The following WDR64 variants were observed in gnomAD, a reference collection of about 807,000 sequenced individuals.
The protein encoded by WDR64 is WD repeat domain 64, also known as WD repeat-containing protein 64.
WDR64 carries 112 observed loss-of-function variants against 139.3 expected under a neutral mutation model. The observed-to-expected ratio is 0.80, with a 90% CI of 0.69 to 0.94. The LOEUF (loss-of-function observed/expected upper bound fraction) is 0.94, where lower values mean the gene tolerates loss of function less well. Ranked by LOEUF, WDR64 falls within the 40% of genes least tolerant of loss-of-function variation. The pLI, the probability that WDR64 is intolerant of heterozygous loss-of-function variation, is 0.00. For synonymous variants in WDR64, 444 were observed against 437.7 expected, an observed-to-expected ratio of 1.01 and a Z score of -0.18; for missense variants, 1,206 against 1,293.1, an observed-to-expected ratio of 0.93 and a Z score of 1.03.
chr1:241,781,339 T>C lies in WDR64; in HGVS notation c.2595+1277T>C, dbSNP rs115748812. 4.8e-3 allele frequency among the ~76,000 whole-genome samples: 734 copies of C among 152,350 alleles called. 8 individuals carry two copies. Among genetic ancestry groups the C allele is most frequent in the African/African-American group, 0.017 (699 of 41,596 alleles). On this transcript the variant is annotated intron_variant, in intron 22 of 27. Transcript: ENST00000437684. Reference sequence around the variant, plus strand: ...TTCATATTCAACTTCATTTCAACCTTTTCTGTACTCAGACAATGGAATCAT... The same window carrying C: ...TTCATATTCAACTTCATTTCAACCTCTTCTGTACTCAGACAATGGAATCAT...
chr1:241,780,665 CAG>C (rs1017386418), intron 22 of WDR64, among the ~76,000 whole-genome samples: 21 of 152,260 alleles, frequency 1.4e-4, no homozygotes, highest in African/African-American at 4.8e-4. Context: ...TGATTCCTTG[CAG>C]AGTGTCTCAG....
intron 10 of WDR64, among the ~76,000 whole-genome samples, chr1:241,727,443 G>C (rs1398827485): frequency 6.6e-6 from 1 of 152,076 alleles, no homozygotes; most frequent in Non-Finnish European, 1.5e-5. Flanking sequence ...AGCACCACTT[G>C]GGAAAATTAC....
intron 15 of WDR64, among the ~76,000 whole-genome samples, chr1:241,758,616 T>C (rs1298393014): frequency 6.6e-6 from 1 of 152,202 alleles, no homozygotes; most frequent in Non-Finnish European, 1.5e-5. Context: ...ATTTAAATGC[T>C]CTTGATGTGT....
At chr1:241,736,478 C>A (rs1355845635) in intron 10 of WDR64, among the ~76,000 whole-genome samples, 1 of 147,936 alleles carries the variant, frequency 6.8e-6, no homozygotes, top group East Asian at 2.0e-4. Context: ...GAGGAAATTG[C>A]AGATGAAAGG....
rs780470532 is a variant in WDR64, at chr1:241,723,483, T to G, written c.1194+47T>G. 2.5e-6 allele frequency: 4 copies of G among 1,592,002 alleles called. No individual in the cohort carries two copies. In the Admixed American group the frequency reaches 6.9e-5, roughly 28 times the overall value. On this transcript the variant is annotated intron_variant, in intron 10 of 27. Transcript: ENST00000437684. ...AACAAAACTAGTTTTTTCCGGAAAATTATCTGTTGGAAGGCATAGGGATGA... is the reference window on the plus strand; with the variant it reads ...AACAAAACTAGTTTTTTCCGGAAAAGTATCTGTTGGAAGGCATAGGGATGA...
At chr1:241,790,521 T>C (rs991497212) in intron 24 of WDR64, 70 bp from the exon 25 acceptor site, 7 of 1,311,132 alleles carry the variant, frequency 5.3e-6, no homozygotes, top group Non-Finnish European at 7.5e-6. Context: ...AAGGACATAA[T>C]GGATCTTTGT....
intron 8 of WDR64, among the ~76,000 whole-genome samples, chr1:241,697,764 C>A (rs1325196427): frequency 6.6e-6 from 1 of 152,144 alleles, no homozygotes; most frequent in African/African-American, 2.4e-5. Flanking sequence ...TTCATTCCCT[C>A]CATAATTCTC....
At chr1:241,658,833 G>T (rs1050145042) in intron 1 of WDR64, among the ~76,000 whole-genome samples, 12 of 151,516 alleles carry the variant, frequency 7.9e-5, no homozygotes, top group African/African-American at 2.7e-4. Context: ...AAACACCACA[G>T]TAAAATATTT....
chr1:241,683,397 C>T (rs879477044), intron 6 of WDR64, 90 bp from the exon 7 acceptor site: 240 of 1,275,314 alleles, frequency 1.9e-4, no homozygotes, highest in Non-Finnish European at 2.2e-4. Context: ...TAAGAAACAG[C>T]GGAAAGTGAA....
In WDR64 at chr1:241,801,149, T is replaced by C. The variant is rs778226172; in HGVS notation, c.3210T>C (p.Ser1070=). The change falls in exon 28 of 28, where the codon AGT becomes AGC. Residue 1070 remains serine, a synonymous_variant. Coordinates refer to ENST00000437684, the MANE Select transcript of WDR64 (RefSeq NM_001367482.1). ...VQREKAPRRR[S]LKKNLVPQIN... ...TTTCACAGGCACCACGAAGAAGAAGTTTGAAAAAAAATTTAGTCCCACAAA... is the reference window on the plus strand; with the variant it reads ...TTTCACAGGCACCACGAAGAAGAAGCTTGAAAAAAAATTTAGTCCCACAAA... 7 of 1,613,328 alleles carry C rather than the reference T, an allele frequency of 4.3e-6. No individual in the cohort carries two copies. The highest frequency in any genetic ancestry group is 5.1e-6 in the Non-Finnish European group (6 of 1,179,716).
intron 14 of WDR64, among the ~76,000 whole-genome samples, chr1:241,754,314 CTTTTTCTTTTTTTTTT>C (rs1193445254): frequency 1.8e-4 from 19 of 107,890 alleles, no homozygotes; most frequent in Non-Finnish European, 2.5e-4. Flanking sequence ...TCCTTTTTTT[CTTTTTCTTTTTTTTTT>C]TTTTTTTTGA....
chr1:241,679,661 A>G, intron 6 of WDR64, 66 bp downstream of exon 6: 1 of 1,320,940 alleles, frequency 7.6e-7, no homozygotes, highest in Non-Finnish European at 1.1e-6. Context: ...CGATATGAGC[A>G]ATCCACTTTC....
intron 10 of WDR64, among the ~76,000 whole-genome samples, chr1:241,735,930 T>C (rs1049731726): frequency 6.6e-6 from 1 of 150,620 alleles, no homozygotes; most frequent in Non-Finnish European, 1.5e-5. Flanking sequence ...TTCCTCTACC[T>C]GGTTCTTCAG....
Position 241,696,311 on chromosome 1 carries a change from C to T in WDR64, c.974+8716C>T, listed in dbSNP as rs140907258. On this transcript the variant is annotated intron_variant, in intron 8 of 27. Coordinates refer to ENST00000437684, the MANE Select transcript of WDR64 (RefSeq NM_001367482.1). ...AGCTACTCAATGACCTCACTGAAGT[C>T]TCAGATATCTTTGTTATTGGAAAGG... Among the ~76,000 whole-genome samples the T allele has an allele frequency of 1.2e-4, 18 of 151,886 alleles. No homozygotes were observed. In the East Asian group the frequency reaches 3.1e-3, roughly 26 times the overall value.
intron 11 of WDR64, 130 bp downstream of exon 11, chr1:241,738,619 A>C: frequency 1.0e-6 from 1 of 962,908 alleles, no homozygotes; most frequent in Non-Finnish European, 1.5e-6. Flanking sequence ...ATGATTCGTG[A>C]CAGTAGATAT....
intron 15 of WDR64, among the ~76,000 whole-genome samples, chr1:241,762,332 T>C (rs1033065163): frequency 6.6e-6 from 1 of 152,146 alleles, no homozygotes; most frequent in Non-Finnish European, 1.5e-5. Context: ...AAAGTAGCTG[T>C]ATATGTTGAA....
chr1:241,779,316 A>G (rs2148313351), intron 21 of WDR64, among the ~76,000 whole-genome samples: 1 of 152,008 alleles, frequency 6.6e-6, no homozygotes, highest in South Asian at 2.1e-4. Flanking sequence ...CCTGCAGTTT[A>G]AATAGTTTAA....
At chr1:241,753,205 G>A (rs1406222112) in intron 14 of WDR64, among the ~76,000 whole-genome samples, 1 of 152,106 alleles carries the variant, frequency 6.6e-6, no homozygotes, top group Admixed American at 6.5e-5. Context: ...TACCTTGCCC[G>A]AGGTCCCACA....
intron 20 of WDR64, among the ~76,000 whole-genome samples, chr1:241,774,277 G>A (rs950673067): frequency 6.6e-6 from 1 of 152,200 alleles, no homozygotes; most frequent in Non-Finnish European, 1.5e-5. Context: ...AAGTGTACCA[G>A]TAGATCCTAG....
Sources: allele counts gnomAD v4.1 joint callset (sites outside exome capture counted in the v4.1 genomes callset), GRCh38; gene constraint gnomAD v4.1.1; transcripts MANE v1.5; gene names NCBI Gene and HGNC (gene_info 2026-07-23, HGNC 2026-07-21).